RSF1: variants seen among roughly 807,000 people sequenced by gnomAD.
The protein encoded by RSF1 is HBV pX-associated protein 8.
Under a neutral mutation model 145.2 loss-of-function variants are expected in RSF1, and 13 were observed. The observed-to-expected ratio is 0.09, with a 90% confidence interval of 0.06 to 0.14. RSF1 has a LOEUF of 0.14. RSF1 is among the 10% of genes least tolerant of loss of function. The probability of loss-of-function intolerance (pLI) is 1.00; values close to 1 mark genes in which losing one functional copy is unlikely to be tolerated. For synonymous variants in RSF1, 577 were observed against 592.6 expected (o/e 0.97, Z 0.38); for missense variants, 1,517 against 1,718.2 (o/e 0.88, Z 2.07).
chr11:77,845,365 G>T, the RSF1 span, among the ~76,000 whole-genome samples: 1 of 151,760 alleles, frequency 6.6e-6, no homozygotes, highest in Non-Finnish European at 1.5e-5. Flanking sequence ...ATCTGCTGTT[G>T]AGCCCCTGTA....
intron 1 of RSF1, among the ~76,000 whole-genome samples, chr11:77,810,099 C>T (rs549263827): frequency 3.9e-5 from 6 of 152,308 alleles, no homozygotes; most frequent in African/African-American, 1.4e-4. Flanking sequence ...CTTTCCCAGT[C>T]CTGTGTCCTC....
chr11:77,693,858 C>G (rs894252681), intron 7 of RSF1, among the ~76,000 whole-genome samples: 2 of 151,822 alleles, frequency 1.3e-5, no homozygotes, highest in African/African-American at 4.8e-5. Context: ...AATTTTGGTT[C>G]ACTGCAACCT....
chr11:77,854,544 T>A, the RSF1 span, among the ~76,000 whole-genome samples: 7 of 152,276 alleles, frequency 4.6e-5, no homozygotes, highest in Non-Finnish European at 1.0e-4. Context: ...AACTTAAAAC[T>A]CCAAAATAAT....
chr11:77,739,888 G>A (rs888531420), intron 4 of RSF1, among the ~76,000 whole-genome samples: 5 of 151,430 alleles, frequency 3.3e-5, no homozygotes, highest in Admixed American at 1.3e-4. Flanking sequence ...AAATGTTTCT[G>A]TTCAAATATA....
chr11:77,730,251 T>G (rs978227923), intron 4 of RSF1, among the ~76,000 whole-genome samples: 1 of 152,086 alleles, frequency 6.6e-6, no homozygotes, highest in African/African-American at 2.4e-5. Flanking sequence ...AGGTTTTAGA[T>G]ATATATATAT....
chr11:77,836,688 G>A, the RSF1 span, among the ~76,000 whole-genome samples: 11 of 152,172 alleles, frequency 7.2e-5, no homozygotes, highest in Non-Finnish European at 1.2e-4. Context: ...CCCTGTGGCC[G>A]GGCGCAGCGG....
At chr11:77,869,628 T>C in the RSF1 span, 3 of 1,226,914 alleles carry the variant, frequency 2.4e-6, no homozygotes, top group African/African-American at 1.5e-5. Context: ...TGAACCTCAG[T>C]AGACATTTCT....
At chr11:77,815,089 G>A (rs1446301151) in intron 1 of RSF1, among the ~76,000 whole-genome samples, 2 of 152,242 alleles carry the variant, frequency 1.3e-5, no homozygotes, top group African/African-American at 4.8e-5. Context: ...TAAAGGGGAA[G>A]TGGAAGAGTA....
At chr11:77,868,058 C>CTTTTT in the RSF1 span, among the ~76,000 whole-genome samples, 1 of 137,090 alleles carries the variant, frequency 7.3e-6, no homozygotes, top group African/African-American at 2.7e-5. Context: ...TCCTCTGAGC[C>CTTTTT]TTTTTTTTTT....
intron 2 of RSF1, among the ~76,000 whole-genome samples, chr11:77,748,672 G>T (rs1283653459): frequency 1.3e-5 from 2 of 152,162 alleles, no homozygotes; most frequent in Non-Finnish European, 2.9e-5. Context: ...AATAAATGTT[G>T]GTTGACGATA....
rs560873836 is a variant in RSF1, at chr11:77,775,045, G to A, written c.188-10356C>T. ...CTCCCAAAGTGCTGGGATTACAGGC[G>A]TGAGCCACTGCGCCCGGCCGTGAAA... On this transcript the variant is annotated intron_variant, in intron 1 of 15. Coordinates refer to ENST00000308488, the MANE Select transcript of RSF1 (RefSeq NM_016578.4). Among the ~76,000 whole-genome samples, 17 of 151,484 alleles carry A rather than the reference G, an allele frequency of 1.1e-4. No homozygotes were observed. The South Asian group carries it at 3.4e-3, about 30-fold the overall frequency.
At position 77,700,977 on chromosome 11, in the gene RSF1, T is replaced by G; in HGVS notation, c.2252A>C (p.Lys751Thr). Residue 751 changes from lysine (K) to threonine (T), a missense_variant, in exon 6 of 16, where the codon AAA becomes ACA. Lys to Thr is a moderately conservative substitution (Grantham distance 78). Around this residue, in one of 12 missense-constraint regions of RSF1, gnomAD observed 579 missense variants for 553.5 expected, o/e 1.05. Transcript: ENST00000308488. ...SRKKKPDSPP[K>T]VLEPENKQEK... The stretch of plus-strand genomic sequence containing the variant: ...TTGCTTGTTTTCTGGTTCTAGAACT[T>G]TGGGGGGAGAATCGGGCTTCTTTTT... The G allele has an allele frequency of 6.2e-7, 1 of 1,613,622 alleles. No individual in the cohort carries two copies. Among genetic ancestry groups the G allele is most frequent in the East Asian group, 2.2e-5 (1 of 44,872 alleles).
In RSF1 at chr11:77,678,025, G is replaced by A. The variant is rs556238736; in HGVS notation, c.3133+61C>T. 6 of 1,146,170 alleles carry A rather than the reference G, an allele frequency of 5.2e-6. No individual in the cohort carries two copies. The Admixed American group carries it at 8.5e-5, about 16-fold the overall frequency. The allele number at this position is 1,146,170 out of a possible 1,614,324, so 71.0% of individuals were successfully genotyped here. ...AAACATATGCTCACTGCCCTAATTTGGGCACCTGAATGAACTTCTTGGCAG... is the reference window on the plus strand; with the variant it reads ...AAACATATGCTCACTGCCCTAATTTAGGCACCTGAATGAACTTCTTGGCAG... On this transcript the variant is annotated intron_variant, in intron 12 of 15. Transcript: ENST00000308488.
intron 7 of RSF1, among the ~76,000 whole-genome samples, chr11:77,694,073 G>A (rs1223894006): frequency 2.0e-5 from 3 of 151,896 alleles, no homozygotes; most frequent in South Asian, 2.1e-4. Flanking sequence ...GTGAGCCACC[G>A]CGCCCAGCCC....
intron 1 of RSF1, among the ~76,000 whole-genome samples, chr11:77,790,609 C>T (rs566255935): frequency 1.3e-5 from 2 of 152,314 alleles, no homozygotes; most frequent in Non-Finnish European, 2.9e-5. Context: ...GCCTATGAGT[C>T]TGTAAAATCA....
At chr11:77,820,751 GC>G (rs1424162785), upstream of RSF1, 1 of 1,528,034 alleles carries the variant, frequency 6.5e-7, no homozygotes, top group African/African-American at 1.4e-5. Context: ...CGATGGGGGG[GC>G]GGGGGAAGTT....
At chr11:77,708,517 T>A (rs527679503) in intron 5 of RSF1, among the ~76,000 whole-genome samples, 1 of 152,302 alleles carries the variant, frequency 6.6e-6, no homozygotes, top group Admixed American at 6.5e-5. Context: ...TTTCATATCC[T>A]CTAGCCCACT....
chr11:77,728,656 G>T (rs1449747976), intron 4 of RSF1, among the ~76,000 whole-genome samples: 2 of 151,916 alleles, frequency 1.3e-5, no homozygotes, highest in African/African-American at 2.4e-5. Flanking sequence ...GAAAGGGAAA[G>T]AAAGAGGCCA....
At chr11:77,855,078 G>A in the RSF1 span, among the ~76,000 whole-genome samples, 3 of 152,150 alleles carry the variant, frequency 2.0e-5, no homozygotes, top group African/African-American at 4.8e-5. Context: ...TAGAGCTGGA[G>A]TGGCCGTGAT....
Sources: gnomAD v4.1 joint callset for allele counts (sites outside exome capture counted in the v4.1 genomes callset) on GRCh38, gnomAD v4.1.1 for gene constraint, gnomAD v4.1.1 regional missense constraint, MANE v1.5 for transcripts, NCBI Gene and HGNC (gene_info 2026-07-23, HGNC 2026-07-21) for gene names.